Variants in CCDC148 observed in about 807,000 individuals in gnomAD.
CCDC148 encodes coiled-coil domain containing 148.
In CCDC148, 89 loss-of-function variants were observed where a neutral mutation model predicts 85.7. The observed-to-expected ratio is 1.04, with a 90% CI of 0.87 to 1.24. The LOEUF (loss-of-function observed/expected upper bound fraction) is 1.24, where lower values mean the gene tolerates loss of function less well. Among genes scored for constraint, CCDC148 ranks in the 50% most tolerant of loss-of-function variants. The probability of loss-of-function intolerance (pLI) is 0.00; values close to 1 mark genes in which losing one functional copy is unlikely to be tolerated. For synonymous variants in CCDC148, 230 were observed against 213.9 expected (o/e 1.08, Z -0.66); for missense variants, 692 against 671.7 (o/e 1.03, Z -0.33).
intron 11 of CCDC148, among the ~76,000 whole-genome samples, chr2:158,186,795 C>G (rs11692534): frequency 0.5 from 75,780 of 151,856 alleles, 22,582 homozygotes; most frequent in South Asian, 0.82. Context: ...GGCCTTCCCT[C>G]CTGAAATTTT....
intron 10 of CCDC148, among the ~76,000 whole-genome samples, chr2:158,247,220 T>G (rs1688604028): frequency 6.6e-6 from 1 of 151,874 alleles, no homozygotes. Context: ...GAAAGAAAAC[T>G]CTCCAGTAAA....
chr2:158,257,748 C>A (rs1023728448), intron 9 of CCDC148, among the ~76,000 whole-genome samples: 2 of 151,768 alleles, frequency 1.3e-5, no homozygotes, highest in Non-Finnish European at 2.9e-5. Flanking sequence ...TCGACTGTTC[C>A]ATGTCCTTTA....
chr2:158,205,466 G>A (rs772214686), intron 11 of CCDC148, among the ~76,000 whole-genome samples: 1 of 152,192 alleles, frequency 6.6e-6, no homozygotes, highest in Non-Finnish European at 1.5e-5. Flanking sequence ...GGAGGAGGGT[G>A]TAGAGAGAAA....
chr2:158,359,960 T>C (rs187987994), intron 1 of CCDC148, among the ~76,000 whole-genome samples: 1 of 152,290 alleles, frequency 6.6e-6, no homozygotes, highest in Admixed American at 6.5e-5. Flanking sequence ...CAGTCTGAAG[T>C]TGACCAGGAA....
chr2:158,205,097 C>T lies in CCDC148; in HGVS notation c.1370+15498G>A, dbSNP rs186145729. On this transcript the variant is annotated intron_variant, in intron 11 of 13. Coordinates refer to ENST00000283233, the MANE Select transcript of CCDC148 (RefSeq NM_138803.4). ...GGTTTTCAGTATCTGAATGACATGACTAGCTGTGTTTGCTTTGGGGCAAGG... is the reference window on the plus strand; with the variant it reads ...GGTTTTCAGTATCTGAATGACATGATTAGCTGTGTTTGCTTTGGGGCAAGG... Among the ~76,000 whole-genome samples, 42 of 152,344 alleles carry T rather than the reference C, an allele frequency of 2.8e-4. 1 individual carries two copies. The highest frequency in any genetic ancestry group is 9.9e-4 in the African/African-American group (41 of 41,584).
intron 1 of CCDC148, among the ~76,000 whole-genome samples, chr2:158,372,669 G>T (rs1684496955): frequency 6.6e-6 from 1 of 151,918 alleles, no homozygotes; most frequent in South Asian, 2.1e-4. Context: ...CCTATATGTA[G>T]AATTTTATCA....
At chr2:158,248,409 T>TA (rs1176537797) in intron 10 of CCDC148, among the ~76,000 whole-genome samples, 2 of 152,068 alleles carry the variant, frequency 1.3e-5, no homozygotes, top group African/African-American at 2.4e-5. Context: ...ATCTCTATTT[T>TA]AAAAAAATAT....
At chr2:158,208,470 CTA>C (rs1686374160) in intron 11 of CCDC148, among the ~76,000 whole-genome samples, 1 of 152,100 alleles carries the variant, frequency 6.6e-6, no homozygotes, top group South Asian at 2.1e-4. Flanking sequence ...GAGCTCTGCC[CTA>C]TGGATGCTGC....
intron 10 of CCDC148, among the ~76,000 whole-genome samples, chr2:158,241,803 G>A (rs1688363631): frequency 6.6e-6 from 1 of 152,076 alleles, no homozygotes; most frequent in South Asian, 2.1e-4. Flanking sequence ...GAAATATGTT[G>A]AGCCATAGTA....
intron 1 of CCDC148, among the ~76,000 whole-genome samples, chr2:158,429,040 G>A (rs1574804999): frequency 1.3e-5 from 2 of 148,806 alleles, no homozygotes; most frequent in East Asian, 2.0e-4. Context: ...ACAAGGACGG[G>A]AAACCAAACA....
At chr2:158,261,592 ATG>A (rs1371589671) in intron 9 of CCDC148, among the ~76,000 whole-genome samples, 1 of 152,016 alleles carries the variant, frequency 6.6e-6, no homozygotes, top group Non-Finnish European at 1.5e-5. Flanking sequence ...AACCTACAGA[ATG>A]GGAGAAAATA....
intron 1 of CCDC148, among the ~76,000 whole-genome samples, chr2:158,423,910 T>C (rs1272943863): frequency 6.6e-6 from 1 of 152,118 alleles, no homozygotes; most frequent in Admixed American, 6.6e-5. Flanking sequence ...GGGTGAAGGA[T>C]ATGAACAGAC....
At chr2:158,442,617 G>A (rs1687982222) in intron 1 of CCDC148, among the ~76,000 whole-genome samples, 2 of 152,216 alleles carry the variant, frequency 1.3e-5, no homozygotes, top group Admixed American at 1.3e-4. Context: ...AAAAGAGCAG[G>A]AAGCAAGGAA....
intron 9 of CCDC148, among the ~76,000 whole-genome samples, chr2:158,253,292 G>GC (rs1688871719): frequency 6.6e-6 from 1 of 151,474 alleles, no homozygotes; most frequent in South Asian, 2.1e-4. Context: ...ACCAACAAAT[G>GC]CCCCCCTTTG....
intron 10 of CCDC148, among the ~76,000 whole-genome samples, chr2:158,233,407 A>G (rs1041627820): frequency 6.6e-6 from 1 of 151,732 alleles, no homozygotes; most frequent in African/African-American, 2.4e-5. Flanking sequence ...ACAATTATCT[A>G]TATTTTGCCA....
chr2:158,247,481 C>G (rs1024172945), intron 10 of CCDC148, among the ~76,000 whole-genome samples: 1 of 152,082 alleles, frequency 6.6e-6, no homozygotes. Context: ...ACAGCCTATA[C>G]GAACAAAACT....
intron 1 of CCDC148, among the ~76,000 whole-genome samples, chr2:158,401,084 C>T (rs192880988): frequency 1.1e-4 from 17 of 152,230 alleles, no homozygotes; most frequent in Admixed American, 3.3e-4. Context: ...GAAATAGGAA[C>T]GCTTTTACAC....
intron 10 of CCDC148, among the ~76,000 whole-genome samples, chr2:158,234,404 T>C (rs1688002473): frequency 6.6e-6 from 1 of 152,178 alleles, no homozygotes; most frequent in African/African-American, 2.4e-5. Context: ...AACTTGAACA[T>C]TTTAGCAACC....
intron 1 of CCDC148, among the ~76,000 whole-genome samples, chr2:158,444,360 C>A (rs1688070707): frequency 6.6e-6 from 1 of 151,306 alleles, no homozygotes; most frequent in Non-Finnish European, 1.5e-5. Context: ...TCCTCTAGTC[C>A]TAAAATTCTA....
Sources: allele counts gnomAD v4.1 joint callset (sites outside exome capture counted in the v4.1 genomes callset), GRCh38; gene constraint gnomAD v4.1.1; transcripts MANE v1.5; gene names NCBI Gene and HGNC (gene_info 2026-07-23, HGNC 2026-07-21).